NUP133: variants seen among roughly 807,000 people sequenced by gnomAD.
NUP133 encodes the protein nuclear pore complex protein Nup133.
In NUP133, 66 loss-of-function variants were observed where a neutral mutation model predicts 146.2. That is an observed-to-expected ratio of 0.45 (90% CI 0.37 to 0.55). NUP133 has a LOEUF of 0.55. Among genes scored for constraint, NUP133 ranks in the 20% least tolerant of loss-of-function variants. The pLI, the probability that NUP133 is intolerant of heterozygous loss-of-function variation, is 0.00. For missense variants in NUP133, 1,277 were observed against 1,374.8 expected (o/e 0.93, Z 1.12); for synonymous variants, 521 against 498.8 (o/e 1.04, Z -0.59).
intron 24 of NUP133, among the ~76,000 whole-genome samples, chr1:229,445,906 C>T (rs951300893): frequency 6.6e-6 from 1 of 152,162 alleles, no homozygotes; most frequent in Non-Finnish European, 1.5e-5. Flanking sequence ...GTAAAAATAG[C>T]TCTTCTATAA....
rs200470321 is a variant in NUP133 at position 229,449,091 on chromosome 1, A to G, written c.3245+35T>C. ...TGAGAGCAGAGGAAAAGCAGTTTCT[A>G]TACTTTCCAAAGAAGCAATGCCACG... On this transcript the variant is annotated intron_variant, in intron 24 of 25. Transcript: ENST00000261396. 70 of 1,529,802 alleles carry G rather than the reference A, an allele frequency of 4.6e-5. 2 individuals are homozygous for G. Among genetic ancestry groups the G allele is most frequent in the South Asian group, 5.6e-5 (5 of 89,110 alleles). 94.8% of individuals were successfully genotyped at this position (1,529,802 alleles called of 1,614,324 possible). A position where few individuals can be genotyped will look rare whatever the true frequency, so the allele number is the denominator to read the frequency against.
At chr1:229,447,515 CCAGCTAGCTT>C (rs1177861217) in intron 24 of NUP133, among the ~76,000 whole-genome samples, 1 of 151,722 alleles carries the variant, frequency 6.6e-6, no homozygotes, top group Non-Finnish European at 1.5e-5. Context: ...CTGGCAGCCC[CCAGCTAGCTT>C]CAGGATAGGG....
intron 8 of NUP133, among the ~76,000 whole-genome samples, chr1:229,493,858 C>T (rs940101724): frequency 6.6e-6 from 1 of 152,182 alleles, no homozygotes; most frequent in Admixed American, 6.5e-5. Flanking sequence ...CATGGCCAGG[C>T]GTGGTGGCTG....
intron 21 of NUP133, among the ~76,000 whole-genome samples, chr1:229,457,853 C>G (rs1660603374): frequency 6.6e-6 from 1 of 152,150 alleles, no homozygotes; most frequent in African/African-American, 2.4e-5. Flanking sequence ...GTGTAAAGGT[C>G]AAGATTGCTT....
intron 12 of NUP133, among the ~76,000 whole-genome samples, chr1:229,482,807 C>T (rs1443911087): frequency 1.3e-5 from 2 of 152,152 alleles, no homozygotes; most frequent in Non-Finnish European, 2.9e-5. Context: ...CACTTGTTCT[C>T]TTGCCACTCT....
At chr1:229,443,723 AT>A (rs71561738) in intron 25 of NUP133, among the ~76,000 whole-genome samples, 2,830 of 116,170 alleles carry the variant, frequency 0.024, 39 homozygotes, top group African/African-American at 0.08. Context: ...CACATATATA[AT>A]TTTTTTTTTT....
chr1:229,451,352 C>T (rs1169734082), intron 22 of NUP133, among the ~76,000 whole-genome samples: 4 of 151,984 alleles, frequency 2.6e-5, no homozygotes, highest in Non-Finnish European at 5.9e-5. Flanking sequence ...TGAGCTGTGA[C>T]AGGGCCACTG....
In NUP133 at chr1:229,496,030, C is replaced by G; in HGVS notation, c.837G>C (p.Trp279Cys). 1 of 1,585,814 alleles carries G rather than the reference C, an allele frequency of 6.3e-7. No homozygotes were observed. Among genetic ancestry groups the G allele is most frequent in the Non-Finnish European group, 8.5e-7 (1 of 1,170,778 alleles). Residue 279 changes from tryptophan to cysteine, a missense_variant, in exon 7 of 26, where the codon TGG (tryptophan) becomes TGC (cysteine). Around this residue, in one of 3 missense-constraint regions of NUP133, gnomAD observed 952 missense variants for 1,047.0 expected, o/e 0.91. Transcript: ENST00000261396. ...TATAAAAGCTTGATCTCTCTCTATCCCAGAGAACACTTGAAAGCTATTCAG... is the reference window on the plus strand; with the variant it reads ...TATAAAAGCTTGATCTCTCTCTATCGCAGAGAACACTTGAAAGCTATTCAG... Reference protein sequence around the residue: ...SSDLTLSSVLWDRERSSFYSL... With the variant: ...SSDLTLSSVLCDRERSSFYSL...
Position 229,477,676 on chromosome 1 carries a change from C to T in NUP133, c.1677G>A (p.Arg559=). Reference sequence around the variant, plus strand: ...GGTCTACACTGATTTGGGTAACTGCCCTGTCTAGTTCAGAATCAGAATCCA... The same window carrying T: ...GGTCTACACTGATTTGGGTAACTGCTCTGTCTAGTTCAGAATCAGAATCCA... The part of the protein sequence containing the change: ...SDLDSDSELD[R]AVTQISVDLM... The change falls in exon 13 of 26, where the codon AGG becomes AGA. Residue 559 remains arginine, a synonymous_variant. Transcript: ENST00000261396. 1 of 1,613,862 alleles carries T rather than the reference C, an allele frequency of 6.2e-7. No individual in the cohort carries two copies. The highest frequency in any genetic ancestry group is 8.5e-7 in the Non-Finnish European group (1 of 1,179,942).
intron 25 of NUP133, among the ~76,000 whole-genome samples, chr1:229,442,971 T>C (rs1273204844): frequency 6.6e-6 from 1 of 152,010 alleles, no homozygotes; most frequent in Non-Finnish European, 1.5e-5. Flanking sequence ...TCTCCTAAAG[T>C]GTTGGGATTA....
chr1:229,467,675 T>C (rs1264915665), intron 15 of NUP133, among the ~76,000 whole-genome samples: 2 of 152,140 alleles, frequency 1.3e-5, no homozygotes, highest in Non-Finnish European at 2.9e-5. Flanking sequence ...GGCTCATGCC[T>C]GCAATCCCAG....
chr1:229,454,839 T>C (rs1034657308), intron 21 of NUP133, among the ~76,000 whole-genome samples: 3 of 152,224 alleles, frequency 2.0e-5, no homozygotes, highest in African/African-American at 7.2e-5. Context: ...ACACTTTTTT[T>C]AGAACAGGCG....
chr1:229,446,656 C>A (rs559157915), intron 24 of NUP133, among the ~76,000 whole-genome samples: 1 of 152,018 alleles, frequency 6.6e-6, no homozygotes, highest in Non-Finnish European at 1.5e-5. Flanking sequence ...ATGGCATGAA[C>A]CCGAGAGGTG....
chr1:229,481,481 G>T (rs1489715636), intron 12 of NUP133, among the ~76,000 whole-genome samples: 1 of 152,122 alleles, frequency 6.6e-6, no homozygotes, highest in Non-Finnish European at 1.5e-5. Context: ...GGCTGTGGTG[G>T]GTGGATCTTG....
chr1:229,493,387 C>A (rs1427126133), intron 8 of NUP133, among the ~76,000 whole-genome samples: 1 of 152,030 alleles, frequency 6.6e-6, no homozygotes, highest in Non-Finnish European at 1.5e-5. Flanking sequence ...CGTTTTGTTG[C>A]CCAGGTGATC....
chr1:229,506,418 T>C (rs1661937240), intron 1 of NUP133, among the ~76,000 whole-genome samples: 1 of 150,780 alleles, frequency 6.6e-6, no homozygotes, highest in Non-Finnish European at 1.5e-5. Flanking sequence ...TCTGCCTCCT[T>C]AGCTGTGAAA....
intron 14 of NUP133, among the ~76,000 whole-genome samples, chr1:229,472,601 G>A (rs1013314299): frequency 2.0e-5 from 3 of 150,968 alleles, no homozygotes; most frequent in Non-Finnish European, 4.4e-5. Flanking sequence ...AAGATCACCT[G>A]AGCCCGGACA....
intron 21 of NUP133, among the ~76,000 whole-genome samples, chr1:229,457,727 G>T (rs1660601305): frequency 6.6e-6 from 1 of 151,974 alleles, no homozygotes; most frequent in African/African-American, 2.4e-5. Flanking sequence ...CTGCAGATGT[G>T]GAATCCAAGA....
At chr1:229,501,959 C>G (rs752755912) in intron 3 of NUP133, 40 bp downstream of exon 3, 3 of 1,419,048 alleles carry the variant, frequency 2.1e-6, no homozygotes, top group East Asian at 4.6e-5. Context: ...ATTGGCATTC[C>G]TCTCCTCTAT....
Sources: gnomAD v4.1 joint callset for allele counts (sites outside exome capture counted in the v4.1 genomes callset) on GRCh38, gnomAD v4.1.1 for gene constraint, gnomAD v4.1.1 regional missense constraint, MANE v1.5 for transcripts, NCBI Gene and HGNC (gene_info 2026-07-23, HGNC 2026-07-21) for gene names.